Variants in LUZP2 observed in about 807,000 individuals in gnomAD.
The protein encoded by LUZP2 is leucine zipper protein 2.
A neutral mutation model predicts 51.6 loss-of-function variants in LUZP2; 52 were observed. The observed-to-expected ratio is 1.01, with a 90% confidence interval of 0.81 to 1.27. The LOEUF (loss-of-function observed/expected upper bound fraction) is 1.27. Among genes scored for constraint, LUZP2 ranks in the 50% most tolerant of loss-of-function variants. LUZP2 has a pLI of 0.00. For synonymous variants in LUZP2, 154 were observed against 137.3 expected (o/e 1.12, Z -0.85); for missense variants, 436 against 395.4 (o/e 1.10, Z -0.87).
intron 4 of LUZP2, among the ~76,000 whole-genome samples, chr11:24,740,672 A>G (rs543072567): frequency 5.5e-4 from 84 of 152,272 alleles, no homozygotes; most frequent in African/African-American, 1.9e-3. Flanking sequence ...AAATTAATGT[A>G]CATAATCTCT....
rs1554983398 is a variant in LUZP2 at position 24,742,057 on chromosome 11, T to TTATATA, written c.333+3769_333+3774dup. Among the ~76,000 whole-genome samples, 12 of 116,300 alleles carry TTATATA rather than the reference T, an allele frequency of 1.0e-4. 1 individual carries two copies. The highest frequency in any genetic ancestry group is 4.3e-4 in the East Asian group (2 of 4,598). The allele number at this position is 116,300 out of a possible 152,430, so 76.3% of individuals were successfully genotyped here. On this transcript the variant is annotated intron_variant, in intron 4 of 11. Coordinates refer to ENST00000336930, the MANE Select transcript of LUZP2 (RefSeq NM_001009909.4). ...TATAAATACATAAAAATAAATATAA[T>TTATATA]TATATATATATATATATATCACCAT...
intron 5 of LUZP2, among the ~76,000 whole-genome samples, chr11:24,894,315 C>T (rs570628306): frequency 1.5e-3 from 231 of 151,996 alleles, no homozygotes; most frequent in African/African-American, 5.2e-3. Flanking sequence ...GCTGGGCTTA[C>T]AGGTGCCTGC....
At chr11:24,674,478 C>G (rs1427141757) in intron 1 of LUZP2, among the ~76,000 whole-genome samples, 2 of 152,086 alleles carry the variant, frequency 1.3e-5, no homozygotes, top group African/African-American at 4.8e-5. Flanking sequence ...ACCAATGACA[C>G]AAAAATAAGG....
chr11:24,563,709 G>A (rs72874878), intron 1 of LUZP2, among the ~76,000 whole-genome samples: 10,546 of 151,910 alleles, frequency 0.069, 490 homozygotes, highest in Middle Eastern at 0.11. Flanking sequence ...ATAGGAAAGT[G>A]GGAGAAGATG....
intron 5 of LUZP2, among the ~76,000 whole-genome samples, chr11:24,888,855 C>G (rs1030552368): frequency 6.6e-6 from 1 of 152,066 alleles, no homozygotes; most frequent in African/African-American, 2.4e-5. Flanking sequence ...GCTCTTCCCA[C>G]TTCACTCGGC....
chr11:24,634,765 G>A (rs745560969), intron 1 of LUZP2, among the ~76,000 whole-genome samples: 4 of 152,120 alleles, frequency 2.6e-5, no homozygotes, highest in East Asian at 1.9e-4. Context: ...GAAAGGGCTT[G>A]AGTTCACAAA....
chr11:24,754,225 G>A (rs1293876590), intron 4 of LUZP2, among the ~76,000 whole-genome samples: 1 of 152,084 alleles, frequency 6.6e-6, no homozygotes, highest in Non-Finnish European at 1.5e-5. Context: ...TTGAACTCCT[G>A]GCCTCAAGCA....
chr11:25,011,500 A>G (rs1426156110), intron 9 of LUZP2, among the ~76,000 whole-genome samples: 1 of 152,154 alleles, frequency 6.6e-6, no homozygotes, highest in Non-Finnish European at 1.5e-5. Flanking sequence ...CTGCTCTAAG[A>G]CTAGACTACA....
At chr11:24,880,724 C>A (rs1590681778) in intron 5 of LUZP2, among the ~76,000 whole-genome samples, 2 of 151,396 alleles carry the variant, frequency 1.3e-5, no homozygotes, top group Admixed American at 6.6e-5. Flanking sequence ...TTATAAATTT[C>A]TAGATGGTGA....
At chr11:24,714,538 TGTTTTCTG>T (rs1857962527) in intron 1 of LUZP2, among the ~76,000 whole-genome samples, 1 of 152,062 alleles carries the variant, frequency 6.6e-6, no homozygotes, top group African/African-American at 2.4e-5. Flanking sequence ...TAGAAAGCTT[TGTTTTCTG>T]AAATGCTTTC....
In LUZP2 at chr11:25,050,291, CTTTTTT is replaced by C. The variant is rs71044331; in HGVS notation, c.858+184_858+189del. Among the ~76,000 whole-genome samples the C allele has an allele frequency of 6.6e-3, 509 of 77,118 alleles. 2 individuals are homozygous for C. Among genetic ancestry groups the C allele is most frequent in the Admixed American group, 0.026 (154 of 5,922 alleles). 50.6% of individuals were successfully genotyped at this position (77,118 alleles called of 152,430 possible). ...TAAGAAAGTAAATGTTCTTTATGTTCTTTTTTTTTTTTTTTTTTTTTTTTTTTTGAG... is the reference window on the plus strand; with the variant it reads ...TAAGAAAGTAAATGTTCTTTATGTTCTTTTTTTTTTTTTTTTTTTTTTGAG... On this transcript the variant is annotated intron_variant, in intron 10 of 11. Transcript: ENST00000336930.
intron 1 of LUZP2, among the ~76,000 whole-genome samples, chr11:24,689,055 C>T (rs1856984207): frequency 6.6e-6 from 1 of 152,006 alleles, no homozygotes; most frequent in Admixed American, 6.6e-5. Flanking sequence ...GAGGGAGAGA[C>T]CGAGGCAAGT....
At chr11:24,775,685 T>C (rs1197870345) in intron 5 of LUZP2, among the ~76,000 whole-genome samples, 1 of 152,168 alleles carries the variant, frequency 6.6e-6, no homozygotes, top group Non-Finnish European at 1.5e-5. Flanking sequence ...CACCATTGTA[T>C]ACAATCTTAG....
Position 24,602,148 on chromosome 11 carries a change from A to G in LUZP2, c.62+104843A>G, listed in dbSNP as rs867006457. Among the ~76,000 whole-genome samples the G allele has an allele frequency of 2.6e-3, 219 of 82,968 alleles. 1 individual carries two copies. Among genetic ancestry groups the G allele is most frequent in the African/African-American group, 0.011 (200 of 19,018 alleles). 54.4% of individuals were successfully genotyped at this position (82,968 alleles called of 152,430 possible). ...TATGTATATGTGTATATATGTATAT[A>G]TGTATATATGTATATATGTGTATAT... is the stretch of plus-strand genomic sequence containing the variant. On this transcript the variant is annotated intron_variant, in intron 1 of 11. Coordinates refer to ENST00000336930, the MANE Select transcript of LUZP2 (RefSeq NM_001009909.4).
chr11:24,497,581 G>A (rs537784647), intron 1 of LUZP2, among the ~76,000 whole-genome samples: 2 of 152,304 alleles, frequency 1.3e-5, no homozygotes, highest in South Asian at 4.1e-4. Context: ...TTACCCTCCG[G>A]TCCTATTAGT....
chr11:24,933,450 A>G (rs1298357439), intron 7 of LUZP2, among the ~76,000 whole-genome samples: 1 of 152,222 alleles, frequency 6.6e-6, no homozygotes, highest in South Asian at 2.1e-4. Context: ...CAAAACTTCA[A>G]TATAAGTCTC....
chr11:24,617,545 GGGCCGT>G (rs745622831), intron 1 of LUZP2, among the ~76,000 whole-genome samples: 2 of 152,176 alleles, frequency 1.3e-5, no homozygotes, highest in African/African-American at 2.4e-5. Context: ...GTTGGGCCGG[GGGCCGT>G]GGCTCACGCC....
At position 24,922,825 on chromosome 11, in the gene LUZP2, C is replaced by CTTTTTTTTTTTTTTTTTTTTTT. The variant is rs1277388215; in HGVS notation, c.522+8298_522+8299insTTTTTTTTTTTTTTTTTTTTTT. Among the ~76,000 whole-genome samples, 4 of 44,622 alleles carry CTTTTTTTTTTTTTTTTTTTTTT rather than the reference C, an allele frequency of 9.0e-5. 1 individual carries two copies. In the South Asian group the frequency reaches 4.4e-3, roughly 49 times the overall value. The allele number at this position is 44,622 out of a possible 152,430, so 29.3% of individuals were successfully genotyped here. On this transcript the variant is annotated intron_variant, in intron 7 of 11. Coordinates refer to ENST00000336930, the MANE Select transcript of LUZP2 (RefSeq NM_001009909.4). ...GGACTACCAAGTGGCACAGTTATAT[C>CTTTTTTTTTTTTTTTTTTTTTT]TTTTTTTTTTTCTTTTTTTTTTTTT...
intron 5 of LUZP2, among the ~76,000 whole-genome samples, chr11:24,808,094 C>T (rs978487171): frequency 2.6e-5 from 4 of 152,188 alleles, no homozygotes; most frequent in African/African-American, 7.2e-5. Flanking sequence ...GAAATAAGAA[C>T]AATAATGTAT....
Sources: gnomAD v4.1 joint callset for allele counts (sites outside exome capture counted in the v4.1 genomes callset) on GRCh38, gnomAD v4.1.1 for gene constraint, MANE v1.5 for transcripts, NCBI Gene and HGNC (gene_info 2026-07-23, HGNC 2026-07-21) for gene names.